KLF7: variants seen among roughly 807,000 people sequenced by gnomAD.
KLF7 encodes KLF transcription factor 7.
In KLF7, 2 loss-of-function variants were observed where a neutral mutation model predicts 27.3. That is an observed-to-expected ratio of 0.07 (90% confidence interval 0.03 to 0.23). KLF7 has a LOEUF of 0.23. KLF7 is among the 10% of genes least tolerant of loss of function. The pLI, the probability that KLF7 is intolerant of heterozygous loss-of-function variation, is 1.00. For synonymous variants in KLF7, 165 were observed against 162.4 expected (o/e 1.02, Z -0.12); for missense variants, 221 against 394.1 (o/e 0.56, Z 3.72).
chr2:207,083,030 A>G (rs2076310854), intron 3 of KLF7, among the ~76,000 whole-genome samples: 1 of 152,244 alleles, frequency 6.6e-6, no homozygotes, highest in Admixed American at 6.5e-5. Context: ...AACATGCTGC[A>G]TAATAACAAT....
upstream of KLF7, chr2:207,166,725 C>T: frequency 2.3e-6 from 2 of 887,454 alleles, no homozygotes; most frequent in Non-Finnish European, 2.7e-6. Context: ...CAGGGACCCG[C>T]GCGAGGCGGT....
rs2076186484 is a variant in KLF7, at chr2:207,076,972, T to A, written c.*4241A>T. The A allele has an allele frequency of 6.6e-6, 1 of 152,166 alleles. No homozygotes were observed. Among genetic ancestry groups the A allele is most frequent in the Non-Finnish European group, 1.5e-5 (1 of 68,026 alleles). 9.4% of individuals were successfully genotyped at this position (152,166 alleles called of 1,614,324 possible). ...TGGCCCTCTTAAGATTTCAAAAAAA[T>A]TCTAATAAACTAAAAAATGAACCTG... is the stretch of plus-strand genomic sequence containing the variant. On this transcript the variant is annotated 3_prime_UTR_variant, in exon 4 of 4. Transcript: ENST00000309446.
intron 1 of KLF7, among the ~76,000 whole-genome samples, chr2:207,141,010 G>A (rs1285340175): frequency 6.6e-6 from 1 of 152,038 alleles, no homozygotes; most frequent in African/African-American, 2.4e-5. Flanking sequence ...AGCTCTATGC[G>A]TTTCCTCAAG....
At chr2:207,133,985 T>C in intron 1 of KLF7, 1 of 1,043,490 alleles carries the variant, frequency 9.6e-7, no homozygotes, top group South Asian at 1.6e-5. Flanking sequence ...AGCCCGCTCT[T>C]ATGCACCCCC....
At chr2:207,093,493 G>GA (rs1184587953) in intron 2 of KLF7, among the ~76,000 whole-genome samples, 1 of 152,150 alleles carries the variant, frequency 6.6e-6, no homozygotes, top group Admixed American at 6.5e-5. Flanking sequence ...GTCTCTGCCT[G>GA]AATGTCTCCT....
At chr2:207,149,128 A>C (rs768049564) in intron 1 of KLF7, 2 of 1,285,894 alleles carry the variant, frequency 1.6e-6, no homozygotes, top group Non-Finnish European at 2.0e-6. Context: ...AGTCCCACCC[A>C]GTCATGTTGA....
chr2:207,167,871 T>G (rs539321682), upstream of KLF7, among the ~76,000 whole-genome samples: 6 of 152,322 alleles, frequency 3.9e-5, no homozygotes, highest in African/African-American at 1.4e-4. Context: ...CTGACACTAT[T>G]AGGTGAATAC....
intron 1 of KLF7, among the ~76,000 whole-genome samples, chr2:207,163,677 C>T: frequency 6.6e-6 from 1 of 152,192 alleles, no homozygotes; most frequent in East Asian, 1.9e-4. Flanking sequence ...AACTTTCTTC[C>T]TTCTAACACT....
rs1371120696 is a variant in KLF7, at chr2:207,079,358, G to C, written c.*1855C>G. On this transcript the variant is annotated 3_prime_UTR_variant, in exon 4 of 4. Transcript: ENST00000309446. ...TTGCATCCCAAATATGTATGGGGTG[G>C]CATTTTAACAGTCAATGAGTCAAAC... 1 of 152,096 alleles carries C rather than the reference G, an allele frequency of 6.6e-6. No individual in the cohort carries two copies. The highest frequency in any genetic ancestry group is 1.9e-4 in the East Asian group (1 of 5,192). 9.4% of individuals were successfully genotyped at this position (152,096 alleles called of 1,614,324 possible). A position where few individuals can be genotyped will look rare whatever the true frequency, so the allele number is the denominator to read the frequency against.
At chr2:207,168,146 C>G (rs1409389424), upstream of KLF7, among the ~76,000 whole-genome samples, 1 of 152,070 alleles carries the variant, frequency 6.6e-6, no homozygotes, top group Non-Finnish European at 1.5e-5. Flanking sequence ...GTATAGAAAA[C>G]TAGAGGCAAA....
chr2:207,082,019 G>C (rs1358734548), intron 3 of KLF7, among the ~76,000 whole-genome samples: 1 of 150,290 alleles, frequency 6.7e-6, no homozygotes, highest in Non-Finnish European at 1.5e-5. Context: ...GCAGAAAGGA[G>C]GGGGGTGAAG....
chr2:207,092,973 C>T (rs749278826), intron 2 of KLF7, among the ~76,000 whole-genome samples: 67 of 152,322 alleles, frequency 4.4e-4, no homozygotes, highest in Non-Finnish European at 8.5e-4. Context: ...ATAAAAATAG[C>T]TTTGCTCTCA....
intron 3 of KLF7, among the ~76,000 whole-genome samples, chr2:207,085,601 C>G (rs76160026): frequency 6.6e-6 from 1 of 152,200 alleles, no homozygotes; most frequent in Non-Finnish European, 1.5e-5. Flanking sequence ...AGTCACAAAA[C>G]CCAGTGTCTG....
chr2:207,113,546 G>A (rs1228141915), intron 2 of KLF7, among the ~76,000 whole-genome samples: 1 of 124,802 alleles, frequency 8.0e-6, no homozygotes, highest in African/African-American at 3.0e-5. Context: ...CTGGTACCCA[G>A]CAGCAACACC....
At chr2:207,105,312 A>G (rs2076856461) in intron 2 of KLF7, among the ~76,000 whole-genome samples, 1 of 152,198 alleles carries the variant, frequency 6.6e-6, no homozygotes, top group Non-Finnish European at 1.5e-5. Context: ...ACCAGGTGAT[A>G]ACATCACTGT....
At chr2:207,084,806 T>A (rs1377094815) in intron 3 of KLF7, among the ~76,000 whole-genome samples, 1 of 152,116 alleles carries the variant, frequency 6.6e-6, no homozygotes, top group Admixed American at 6.5e-5. Context: ...AGGTCCTTAA[T>A]TACTGAAATT....
chr2:207,166,902 C>T (rs1445675386), upstream of KLF7: 21 of 1,059,164 alleles, frequency 2.0e-5, no homozygotes, highest in Non-Finnish European at 2.3e-5. Context: ...CCTGCGCCCG[C>T]CCCCCGCTTG....
Position 207,165,551 on chromosome 2 carries a change from A to C in KLF7, c.18T>G (p.Ser6Arg). 1.2e-6 allele frequency: 2 copies of C among 1,613,862 alleles called. No individual in the cohort carries two copies. The highest frequency in any genetic ancestry group is 1.7e-6 in the Non-Finnish European group (2 of 1,179,980). ...GTTGTAGCTCCTGGAATATACTATA[A>C]CTAGCCAACACGTCCATGCTGCTGC... MDVLA[S>R]YSIFQELQLV... Residue 6 changes from serine to arginine, a missense_variant, in exon 1 of 4, where the codon AGT becomes AGG. Ser to Arg is a moderately radical substitution (Grantham distance 110, BLOSUM62 -1). Transcript: ENST00000309446.
At chr2:207,137,589 T>C (rs531518788) in intron 1 of KLF7, among the ~76,000 whole-genome samples, 1 of 152,298 alleles carries the variant, frequency 6.6e-6, no homozygotes, top group East Asian at 1.9e-4. Context: ...CAAAATCCAA[T>C]TAAGAGGGTA....
Sources: gnomAD v4.1 joint callset for allele counts (sites outside exome capture counted in the v4.1 genomes callset) on GRCh38, gnomAD v4.1.1 for gene constraint, MANE v1.5 for transcripts, NCBI Gene and HGNC (gene_info 2026-07-23, HGNC 2026-07-21) for gene names.